Variants in GULP1 observed in about 807,000 individuals in gnomAD.
GULP1 encodes GULP PTB domain containing engulfment adaptor 1.
In GULP1, 19 loss-of-function variants were observed where a neutral mutation model predicts 40.9. The ratio of observed to expected loss-of-function variants is 0.46; its 90% CI spans 0.32 to 0.68. The LOEUF (loss-of-function observed/expected upper bound fraction) is 0.68, where lower values mean the gene tolerates loss of function less well. Among genes scored for constraint, GULP1 ranks in the 30% least tolerant of loss-of-function variants. The probability of loss-of-function intolerance (pLI) is 0.03; values close to 1 mark genes in which losing one functional copy is unlikely to be tolerated. For synonymous variants in GULP1, 119 were observed against 117.6 expected, an observed-to-expected ratio of 1.01 and a Z score of -0.08; for missense variants, 312 against 362.2, an observed-to-expected ratio of 0.86 and a Z score of 1.12.
At chr2:188,382,232 A>C (rs1265209780) in intron 1 of GULP1, among the ~76,000 whole-genome samples, 1 of 152,118 alleles carries the variant, frequency 6.6e-6, no homozygotes, top group African/African-American at 2.4e-5. Context: ...AGTTCCAGGG[A>C]ATTAATGCCC....
intron 2 of GULP1, among the ~76,000 whole-genome samples, chr2:188,427,036 G>T (rs2056287767): frequency 6.6e-6 from 1 of 152,160 alleles, no homozygotes; most frequent in South Asian, 2.1e-4. Context: ...AAAGAGCTTG[G>T]TTGCATTTTG....
chr2:188,542,504 T>G (rs1690785417), intron 7 of GULP1, among the ~76,000 whole-genome samples: 1 of 152,144 alleles, frequency 6.6e-6, no homozygotes, highest in Non-Finnish European at 1.5e-5. Flanking sequence ...TTACAAAAAA[T>G]AGAGCAAGTT....
At chr2:188,577,097 C>A (rs1700319593) in intron 9 of GULP1, among the ~76,000 whole-genome samples, 1 of 152,036 alleles carries the variant, frequency 6.6e-6, no homozygotes, top group South Asian at 2.1e-4. Flanking sequence ...AAGGTTTTAA[C>A]CAAACCAGAC....
intron 1 of GULP1, among the ~76,000 whole-genome samples, chr2:188,367,621 A>G (rs922690847): frequency 6.6e-6 from 1 of 152,202 alleles, no homozygotes; most frequent in Non-Finnish European, 1.5e-5. Flanking sequence ...ACAAAAGTAC[A>G]TTAAGATTCT....
intron 2 of GULP1, among the ~76,000 whole-genome samples, chr2:188,426,784 A>G (rs535726526): frequency 2.0e-4 from 31 of 152,360 alleles, no homozygotes; most frequent in African/African-American, 7.2e-4. Context: ...TGTTATAAAG[A>G]TACCTGAAAA....
At chr2:188,310,836 C>T (rs1404907833) in intron 1 of GULP1, among the ~76,000 whole-genome samples, 6 of 152,012 alleles carry the variant, frequency 3.9e-5, no homozygotes, top group Non-Finnish European at 2.9e-5. Context: ...ACTTCTTAAA[C>T]CTCATAGGAG....
intron 1 of GULP1, among the ~76,000 whole-genome samples, chr2:188,337,432 G>T (rs964861546): frequency 6.7e-6 from 1 of 149,428 alleles, no homozygotes; most frequent in African/African-American, 2.5e-5. Context: ...GAGCCACCGC[G>T]CCCGGCCCTC....
intron 2 of GULP1, among the ~76,000 whole-genome samples, chr2:188,399,690 G>GAAAA (rs55877284): frequency 0.019 from 1,239 of 64,494 alleles, 174 homozygotes; most frequent in East Asian, 0.13. Flanking sequence ...GTCCCTACAA[G>GAAAA]AAAAAAAAAA....
chr2:188,361,391 G>T, intron 1 of GULP1, among the ~76,000 whole-genome samples: 1 of 151,968 alleles, frequency 6.6e-6, no homozygotes, highest in South Asian at 2.1e-4. Flanking sequence ...TTTTGTGAAT[G>T]GAATGGGTGG....
At chr2:188,313,863 A>G (rs1399918271) in intron 1 of GULP1, among the ~76,000 whole-genome samples, 4 of 151,766 alleles carry the variant, frequency 2.6e-5, no homozygotes, top group African/African-American at 9.7e-5. Flanking sequence ...TGAGTATTTT[A>G]TTTATTTTAT....
At chr2:188,428,439 A>G (rs2056474461) in intron 2 of GULP1, among the ~76,000 whole-genome samples, 1 of 152,188 alleles carries the variant, frequency 6.6e-6, no homozygotes, top group Admixed American at 6.5e-5. Flanking sequence ...ATAATGAATT[A>G]TAATCCCCAA....
chr2:188,326,159 C>G (rs1377795783), intron 1 of GULP1, among the ~76,000 whole-genome samples: 1 of 152,074 alleles, frequency 6.6e-6, no homozygotes, highest in Non-Finnish European at 1.5e-5. Flanking sequence ...CAGAACCTAG[C>G]TCACCTGGTG....
intron 2 of GULP1, among the ~76,000 whole-genome samples, chr2:188,418,069 C>A (rs990921914): frequency 3.3e-5 from 5 of 151,984 alleles, no homozygotes; most frequent in Non-Finnish European, 5.9e-5. Flanking sequence ...CTGCCTTGCC[C>A]TCCTATAGTT....
At chr2:188,484,728 C>CTTAA (rs2061717668) in intron 4 of GULP1, among the ~76,000 whole-genome samples, 1 of 152,100 alleles carries the variant, frequency 6.6e-6, no homozygotes, top group Admixed American at 6.6e-5. Context: ...AAGGAAGAAA[C>CTTAA]ATTTAAAAGC....
intron 4 of GULP1, among the ~76,000 whole-genome samples, chr2:188,509,193 G>T (rs1200559575): frequency 6.6e-6 from 1 of 152,072 alleles, no homozygotes; most frequent in African/African-American, 2.4e-5. Flanking sequence ...CTGGTGCAGA[G>T]CCTGCTCTCC....
At chr2:188,377,504 A>G (rs1018806581) in intron 1 of GULP1, among the ~76,000 whole-genome samples, 4 of 152,174 alleles carry the variant, frequency 2.6e-5, no homozygotes, top group African/African-American at 9.7e-5. Context: ...AGAATTGGCC[A>G]TATTTGTATC....
At chr2:188,521,173 G>T (rs1485840783) in intron 4 of GULP1, among the ~76,000 whole-genome samples, 3 of 152,022 alleles carry the variant, frequency 2.0e-5, no homozygotes, top group African/African-American at 7.2e-5. Flanking sequence ...TATATTTCAT[G>T]AATTTAATGT....
intron 4 of GULP1, among the ~76,000 whole-genome samples, chr2:188,513,828 A>G: frequency 6.6e-6 from 1 of 152,138 alleles, no homozygotes; most frequent in Non-Finnish European, 1.5e-5. Context: ...GGCCTTGAAT[A>G]ACACTCTTTG....
intron 2 of GULP1, among the ~76,000 whole-genome samples, chr2:188,471,644 C>G (rs1286383573): frequency 6.6e-6 from 1 of 152,122 alleles, no homozygotes; most frequent in African/African-American, 2.4e-5. Flanking sequence ...AACTAACAAG[C>G]AAAAATAAAT....
Sources: gnomAD v4.1 joint callset for allele counts (sites outside exome capture counted in the v4.1 genomes callset) on GRCh38, gnomAD v4.1.1 for gene constraint, MANE v1.5 for transcripts, NCBI Gene and HGNC (gene_info 2026-07-23, HGNC 2026-07-21) for gene names.